The following NLGN1 variants were observed in gnomAD, a reference collection of about 807,000 sequenced individuals.
NLGN1 encodes neuroligin 1.
NLGN1 carries 12 observed loss-of-function variants against 65.5 expected under a neutral mutation model. That is an observed-to-expected ratio of 0.18 (90% CI 0.12 to 0.30). The LOEUF (loss-of-function observed/expected upper bound fraction) is 0.30, where lower values mean the gene tolerates loss of function less well. Ranked by LOEUF, NLGN1 falls within the 10% of genes least tolerant of loss-of-function variation. The probability of loss-of-function intolerance (pLI) is 1.00; values close to 1 mark genes in which losing one functional copy is unlikely to be tolerated. For missense variants in NLGN1, 750 were observed against 1,007.1 expected (o/e 0.74, Z 3.46); for synonymous variants, 350 against 359.5 (o/e 0.97, Z 0.30).
At chr3:174,020,892 A>G in intron 4 of NLGN1, among the ~76,000 whole-genome samples, 1 of 152,120 alleles carries the variant, frequency 6.6e-6, no homozygotes, top group Non-Finnish European at 1.5e-5. Context: ...AATTGGTGCT[A>G]AAAGCATTTA....
At chr3:173,423,047 G>A (rs1018701178) in intron 1 of NLGN1, among the ~76,000 whole-genome samples, 1 of 152,156 alleles carries the variant, frequency 6.6e-6, no homozygotes, top group Non-Finnish European at 1.5e-5. Context: ...AATCATGGTA[G>A]AGGGCGAAGG....
At chr3:174,254,338 T>C (rs1260621819) in intron 4 of NLGN1, among the ~76,000 whole-genome samples, 1 of 143,104 alleles carries the variant, frequency 7.0e-6, no homozygotes, top group Non-Finnish European at 1.5e-5. Context: ...TTTTGTAATT[T>C]AAAGTTTGGG....
chr3:173,823,546 A>G (rs993481858), intron 4 of NLGN1, among the ~76,000 whole-genome samples: 1 of 152,090 alleles, frequency 6.6e-6, no homozygotes, highest in Non-Finnish European at 1.5e-5. Context: ...TAGTCCCACT[A>G]AACAATACAG....
chr3:173,427,372 G>A (rs1360044635), intron 1 of NLGN1, among the ~76,000 whole-genome samples: 1 of 151,656 alleles, frequency 6.6e-6, no homozygotes, highest in African/African-American at 2.4e-5. Flanking sequence ...GATTGTTCAT[G>A]CTTTTCTATT....
chr3:173,615,604 T>C (rs1297583336), intron 3 of NLGN1, among the ~76,000 whole-genome samples: 1 of 152,166 alleles, frequency 6.6e-6, no homozygotes, highest in Non-Finnish European at 1.5e-5. Context: ...ATCTTTAAAC[T>C]GTGTATAGAG....
At chr3:174,145,444 C>G (rs1011929791) in intron 4 of NLGN1, among the ~76,000 whole-genome samples, 1 of 151,862 alleles carries the variant, frequency 6.6e-6, no homozygotes, top group Non-Finnish European at 1.5e-5. Flanking sequence ...ATCCGGGAAG[C>G]AGGGGTTCCG....
chr3:173,946,190 A>G (rs971848959), intron 4 of NLGN1, among the ~76,000 whole-genome samples: 1 of 152,184 alleles, frequency 6.6e-6, no homozygotes, highest in Non-Finnish European at 1.5e-5. Flanking sequence ...GTTCAGTGTG[A>G]AGGATGTAAT....
chr3:173,941,341 TA>T (rs543649805), intron 4 of NLGN1, among the ~76,000 whole-genome samples: 169 of 152,208 alleles, frequency 1.1e-3, no homozygotes, highest in African/African-American at 3.9e-3. Flanking sequence ...AAACCTTGCT[TA>T]GCAGAGTCTT....
chr3:173,513,527 C>T (rs575266481), intron 2 of NLGN1, among the ~76,000 whole-genome samples: 12 of 152,248 alleles, frequency 7.9e-5, no homozygotes, highest in Middle Eastern at 6.8e-3. Context: ...AACCTCACTT[C>T]TCTGATTAAT....
chr3:173,550,490 C>T (rs1190137317), intron 2 of NLGN1, among the ~76,000 whole-genome samples: 1 of 152,026 alleles, frequency 6.6e-6, no homozygotes. Flanking sequence ...ATTATGTTAG[C>T]TATTTATCTT....
intron 3 of NLGN1, among the ~76,000 whole-genome samples, chr3:173,675,912 C>T (rs1763106057): frequency 6.6e-6 from 1 of 151,628 alleles, no homozygotes; most frequent in Non-Finnish European, 1.5e-5. Context: ...CACACACACA[C>T]ACACACACAC....
At chr3:174,233,551 G>C (rs1741133011) in intron 4 of NLGN1, among the ~76,000 whole-genome samples, 1 of 151,668 alleles carries the variant, frequency 6.6e-6, no homozygotes, top group African/African-American at 2.4e-5. Context: ...CAAACCTCTT[G>C]AACAGACAAG....
intron 2 of NLGN1, among the ~76,000 whole-genome samples, chr3:173,490,885 G>T (rs983755819): frequency 6.6e-6 from 1 of 151,776 alleles, no homozygotes; most frequent in African/African-American, 2.4e-5. Context: ...TCATGATTTG[G>T]CTCTCTGTTT....
intron 4 of NLGN1, among the ~76,000 whole-genome samples, chr3:174,267,442 C>T (rs1019070456): frequency 6.6e-6 from 1 of 152,192 alleles, no homozygotes; most frequent in Non-Finnish European, 1.5e-5. Context: ...CCAAACTATA[C>T]TAACATCCTG....
chr3:173,707,940 G>C (rs905360149), intron 3 of NLGN1, among the ~76,000 whole-genome samples: 5 of 152,246 alleles, frequency 3.3e-5, no homozygotes, highest in African/African-American at 9.6e-5. Flanking sequence ...TTTGTAATTT[G>C]TTATTGGTTC....
At chr3:174,087,057 G>A (rs1290753686) in intron 4 of NLGN1, among the ~76,000 whole-genome samples, 2 of 152,084 alleles carry the variant, frequency 1.3e-5, no homozygotes, top group East Asian at 1.9e-4. Context: ...ACATATAAGT[G>A]GGAGCTAAAC....
rs569264943 is a variant in NLGN1 at position 173,754,617 on chromosome 3, C to A, written c.494-53063C>A. On this transcript the variant is annotated intron_variant, in intron 3 of 6. Coordinates refer to ENST00000457714, the Ensembl canonical transcript of NLGN1. ...AATAGTACTTAACATATAGTAGACACTCCATAAATATTTGATGAATGAATG... is the reference window on the plus strand; with the variant it reads ...AATAGTACTTAACATATAGTAGACAATCCATAAATATTTGATGAATGAATG... Among the ~76,000 whole-genome samples the A allele has an allele frequency of 2.0e-5, 3 of 152,162 alleles. No individual in the cohort carries two copies. In the South Asian group the frequency reaches 6.2e-4, roughly 32 times the overall value.
At chr3:174,040,401 C>T (rs964420964) in intron 4 of NLGN1, among the ~76,000 whole-genome samples, 4 of 151,948 alleles carry the variant, frequency 2.6e-5, no homozygotes. Flanking sequence ...AATGAATTCT[C>T]GAAACTTCTG....
chr3:173,438,007 A>C (rs561710213), intron 2 of NLGN1, among the ~76,000 whole-genome samples: 2 of 148,468 alleles, frequency 1.3e-5, no homozygotes, highest in East Asian at 1.9e-4. Flanking sequence ...ATGATTATAA[A>C]ATTTGTTACT....
Sources: allele counts gnomAD v4.1 joint callset (sites outside exome capture counted in the v4.1 genomes callset), GRCh38; gene constraint gnomAD v4.1.1; transcripts MANE v1.5; gene names NCBI Gene and HGNC (gene_info 2026-07-23, HGNC 2026-07-21).